Variants in PCDH15 observed in about 807,000 individuals in gnomAD.
PCDH15 encodes the protein protocadherin related 15.
A neutral mutation model predicts 178.5 loss-of-function variants in PCDH15; 129 were observed. The ratio of observed to expected loss-of-function variants is 0.72; its 90% confidence interval spans 0.63 to 0.84. The LOEUF is 0.84. PCDH15 is among the 40% of genes least tolerant of loss of function. PCDH15 has a pLI of 0.00. For missense variants in PCDH15, 2,230 were observed against 2,099.9 expected (o/e 1.06, Z -1.21); for synonymous variants, 800 against 732.0 (o/e 1.09, Z -1.50).
intron 14 of PCDH15, among the ~76,000 whole-genome samples, chr10:54,146,808 G>C (rs1384192890): frequency 6.7e-6 from 1 of 149,576 alleles, no homozygotes; most frequent in East Asian, 2.0e-4. Flanking sequence ...GTCATTTTTT[G>C]ATGTTATTAT....
At chr10:55,414,120 A>G (rs1838416346) in intron 2 of PCDH15, among the ~76,000 whole-genome samples, 1 of 151,670 alleles carries the variant, frequency 6.6e-6, no homozygotes, top group Admixed American at 6.6e-5. Flanking sequence ...CACAGTATTT[A>G]ATTTTAAAAT....
At chr10:55,367,968 G>T (rs969603473) in intron 2 of PCDH15, among the ~76,000 whole-genome samples, 1 of 151,930 alleles carries the variant, frequency 6.6e-6, no homozygotes, top group African/African-American at 2.4e-5. Flanking sequence ...AAAATCTCTG[G>T]CCTCCCATTA....
chr10:54,584,569 A>T (rs1304889915), intron 2 of PCDH15, among the ~76,000 whole-genome samples: 7 of 152,120 alleles, frequency 4.6e-5, no homozygotes. Context: ...ACATATTTTC[A>T]TATCTTCTTT....
chr10:55,502,172 T>G (rs900683859), intron 2 of PCDH15, among the ~76,000 whole-genome samples: 2 of 151,630 alleles, frequency 1.3e-5, no homozygotes, highest in African/African-American at 4.8e-5. Flanking sequence ...TTACTTCTCC[T>G]TATGGAACTG....
At chr10:54,045,931 A>G (rs1026247336) in intron 18 of PCDH15, among the ~76,000 whole-genome samples, 11 of 152,166 alleles carry the variant, frequency 7.2e-5, no homozygotes, top group Non-Finnish European at 1.2e-4. Context: ...TGAAACATAT[A>G]TAACAAAGGA....
chr10:55,392,456 A>G (rs191225857), intron 2 of PCDH15, among the ~76,000 whole-genome samples: 14 of 152,320 alleles, frequency 9.2e-5, no homozygotes, highest in African/African-American at 3.4e-4. Context: ...TACCTAAGGA[A>G]AACTAAGGTA....
intron 37 of PCDH15, among the ~76,000 whole-genome samples, chr10:53,809,809 C>CA: frequency 6.6e-6 from 1 of 151,562 alleles, no homozygotes; most frequent in Admixed American, 6.6e-5. Context: ...TTTAATTTTC[C>CA]TCTTAGATCA....
At chr10:54,008,943 T>C (rs1440468812) in intron 20 of PCDH15, among the ~76,000 whole-genome samples, 1 of 152,140 alleles carries the variant, frequency 6.6e-6, no homozygotes, top group Non-Finnish European at 1.5e-5. Flanking sequence ...TAACCACCAA[T>C]ATTATATTCC....
At chr10:55,011,459 C>T (rs376366414) in intron 2 of PCDH15, among the ~76,000 whole-genome samples, 5 of 151,980 alleles carry the variant, frequency 3.3e-5, no homozygotes, top group Non-Finnish European at 5.9e-5. Flanking sequence ...TTTTCTTAAA[C>T]GGAAAACTAA....
intron 1 of PCDH15, among the ~76,000 whole-genome samples, chr10:55,307,207 A>G (rs1843449941): frequency 2.0e-5 from 3 of 152,112 alleles, no homozygotes; most frequent in Admixed American, 2.0e-4. Flanking sequence ...TTTCTTTTAA[A>G]AATTTGTATT....
At chr10:54,574,416 T>A (rs2090222895) in intron 2 of PCDH15, among the ~76,000 whole-genome samples, 1 of 152,016 alleles carries the variant, frequency 6.6e-6, no homozygotes, top group Non-Finnish European at 1.5e-5. Context: ...CCATGCTGTT[T>A]TGGTTACTGT....
chr10:54,377,462 G>C (rs949452631), intron 4 of PCDH15, among the ~76,000 whole-genome samples: 8 of 152,124 alleles, frequency 5.3e-5, no homozygotes, highest in Non-Finnish European at 1.0e-4. Flanking sequence ...TAAAAGCACT[G>C]TGGCAGCAGG....
chr10:54,919,051 TG>T (rs1285968215), intron 2 of PCDH15, among the ~76,000 whole-genome samples: 1 of 152,172 alleles, frequency 6.6e-6, no homozygotes, highest in Non-Finnish European at 1.5e-5. Context: ...TAAATGCTGT[TG>T]CTTTCTCACC....
In PCDH15 at chr10:55,304,111, G is replaced by A. The variant is rs142891042; in HGVS notation, c.-156+15488C>T. ...AGTAGCTAGTAACTGTGCAGCAAGA[G>A]AGGCTCCTCATTTGCACTCTGCTGG... On this transcript the variant is annotated intron_variant, in intron 1 of 5. Transcript: ENST00000458638. Among the ~76,000 whole-genome samples, 771 of 152,194 alleles carry A rather than the reference G, an allele frequency of 5.1e-3. 11 individuals carry two copies. Among genetic ancestry groups the A allele is most frequent in the African/African-American group, 0.017 (719 of 41,536 alleles).
intron 37 of PCDH15, chr10:53,809,000 C>T: frequency 6.4e-7 from 1 of 1,572,120 alleles, no homozygotes. Context: ...TCTTTTTGTT[C>T]TTCTTGTGGC....
At chr10:53,969,156 A>G (rs1045555053) in intron 21 of PCDH15, among the ~76,000 whole-genome samples, 4 of 152,130 alleles carry the variant, frequency 2.6e-5, no homozygotes, top group African/African-American at 9.7e-5. Context: ...TGTAGAGAAG[A>G]CCTTAAATGA....
At chr10:54,423,899 A>G in intron 3 of PCDH15, among the ~76,000 whole-genome samples, 1 of 151,944 alleles carries the variant, frequency 6.6e-6, no homozygotes, top group Non-Finnish European at 1.5e-5. Flanking sequence ...TAGACCTAAA[A>G]TCATAAAAAC....
At chr10:55,247,153 G>T (rs1349418944) in intron 1 of PCDH15, among the ~76,000 whole-genome samples, 1 of 152,130 alleles carries the variant, frequency 6.6e-6, no homozygotes, top group Non-Finnish European at 1.5e-5. Context: ...GTTCATGTTA[G>T]TTAAGGAAAA....
chr10:53,900,165 G>A (rs936115205), intron 26 of PCDH15, among the ~76,000 whole-genome samples: 6 of 150,794 alleles, frequency 4.0e-5, no homozygotes, highest in South Asian at 2.1e-4. Context: ...TATTATTATA[G>A]CATACACTTG....
Sources: gnomAD v4.1 joint callset for allele counts (sites outside exome capture counted in the v4.1 genomes callset) on GRCh38, gnomAD v4.1.1 for gene constraint, MANE v1.5 for transcripts, NCBI Gene and HGNC (gene_info 2026-07-23, HGNC 2026-07-21) for gene names.